Variants in BTG2 observed in about 807,000 individuals in gnomAD.
BTG2 encodes the protein BTG anti-proliferation factor 2.
A neutral mutation model predicts 13.1 loss-of-function variants in BTG2; 9 were observed. That is an observed-to-expected ratio of 0.69 (90% CI 0.41 to 1.20). BTG2 has a LOEUF of 1.20. Ranked by LOEUF, BTG2 falls within the 50% of genes most tolerant of loss-of-function variation. The probability of loss-of-function intolerance (pLI) is 0.00; values close to 1 mark genes in which losing one functional copy is unlikely to be tolerated. For missense variants in BTG2, 200 were observed against 209.5 expected (o/e 0.95, Z 0.28); for synonymous variants, 92 against 88.6 (o/e 1.04, Z -0.21).
In BTG2 at chr1:203,308,339, C is replaced by T. The variant is rs1658320022; in HGVS notation, c.*901C>T. ...AAAGTCTTGATGCTGCTGCCATGAT[C>T]CCTTTGAGAGGTGGCTCAAAAGCTA... On this transcript the variant is annotated 3_prime_UTR_variant, in exon 2 of 2. Transcript: ENST00000290551. The T allele has an allele frequency of 2.6e-5, 4 of 152,626 alleles. No individual in the cohort carries two copies. In the South Asian group the frequency reaches 8.3e-4, roughly 32 times the overall value. 9.5% of individuals were successfully genotyped at this position (152,626 alleles called of 1,614,324 possible). A position where few individuals can be genotyped will look rare whatever the true frequency, so the allele number is the denominator to read the frequency against.
At position 203,305,602 on chromosome 1, in the gene BTG2, G is replaced by A. The variant is rs1242319835; in HGVS notation, c.-5G>A. On this transcript the variant is annotated 5_prime_UTR_variant, in exon 1 of 2. Coordinates refer to ENST00000290551, the MANE Select transcript of BTG2 (RefSeq NM_006763.3). Reference sequence around the variant, plus strand: ...ACCTCTCACTGAGCCCGAGCCGCGCGCGACATGAGCCACGGGAAGGGAACC... The same window carrying A: ...ACCTCTCACTGAGCCCGAGCCGCGCACGACATGAGCCACGGGAAGGGAACC... The A allele has an allele frequency of 1.9e-6, 3 of 1,601,272 alleles. No homozygotes were observed. The highest frequency in any genetic ancestry group is 2.6e-6 in the Non-Finnish European group (3 of 1,173,698).
At chr1:203,305,854 G>A in intron 1 of BTG2, 106 bp downstream of exon 1, 2 of 1,436,082 alleles carry the variant, frequency 1.4e-6, no homozygotes, top group Non-Finnish European at 1.8e-6. Flanking sequence ...GAGCAGCTTT[G>A]GGACTCGGTG....
intron 1 of BTG2, 59 bp from the exon 2 acceptor site, chr1:203,307,045 T>A (rs1228081878): frequency 1.4e-6 from 2 of 1,475,498 alleles, no homozygotes; most frequent in Non-Finnish European, 1.9e-6. Flanking sequence ...CGCCCTATGG[T>A]AGTATCCATG....
In BTG2 at chr1:203,305,729, G is replaced by T; in HGVS notation, c.123G>T (p.Ala41=). Residue 41 remains alanine (A), a synonymous_variant, in exon 1 of 2, where the codon GCG becomes GCT. Transcript: ENST00000290551. ...AGAGGCTTAAGGTCTTCAGCGGGGCGCTCCAGGAGGCACTCACAGGTGAGC... is the reference window on the plus strand; with the variant it reads ...AGAGGCTTAAGGTCTTCAGCGGGGCTCTCCAGGAGGCACTCACAGGTGAGC... ...SEQRLKVFSG[A]LQEALTEHYK... is the part of the protein sequence containing the mutation. The T allele has an allele frequency of 6.5e-7, 1 of 1,549,250 alleles. No homozygotes were observed. The highest frequency in any genetic ancestry group is 8.7e-7 in the Non-Finnish European group (1 of 1,146,326).
At chr1:203,306,205 G>A (rs1028481297) in intron 1 of BTG2, among the ~76,000 whole-genome samples, 2 of 152,296 alleles carry the variant, frequency 1.3e-5, no homozygotes, top group East Asian at 1.9e-4. Context: ...TGCCGGTCGG[G>A]GTGCGCTGTG....
At chr1:203,306,295 C>T (rs529510131) in intron 1 of BTG2, among the ~76,000 whole-genome samples, 4 of 152,262 alleles carry the variant, frequency 2.6e-5, no homozygotes, top group East Asian at 1.9e-4. Context: ...TTCCCCTTAG[C>T]CATCTGCCAC....
chr1:203,307,553 A>G lies in BTG2; in HGVS notation c.*115A>G. ...AAATGAAGAGCTATTTATATATATT[A>G]TTTTTTTTTAAGAAAGGAGGAAAAG... On this transcript the variant is annotated 3_prime_UTR_variant, in exon 2 of 2. Coordinates refer to ENST00000290551, the MANE Select transcript of BTG2 (RefSeq NM_006763.3). The G allele has an allele frequency of 1.3e-6, 1 of 784,832 alleles. No homozygotes were observed. The highest frequency in any genetic ancestry group is 1.8e-6 in the Non-Finnish European group (1 of 569,304). The allele number at this position is 784,832 out of a possible 1,614,324, so 48.6% of individuals were successfully genotyped here. A position where few individuals can be genotyped will look rare whatever the true frequency, so the allele number is the denominator to read the frequency against.
chr1:203,306,026 G>C (rs186225810), intron 1 of BTG2, among the ~76,000 whole-genome samples: 8 of 152,244 alleles, frequency 5.3e-5, no homozygotes, highest in South Asian at 4.2e-4. Context: ...CGAGTCCCCA[G>C]CTTATGCCCC....
rs1173835384 is a variant in BTG2, at chr1:203,305,535, C to A, written c.-72C>A. 1.3e-5 allele frequency: 20 copies of A among 1,507,550 alleles called. 1 individual carries two copies. The highest frequency in any genetic ancestry group is 2.5e-5 in the South Asian group (2 of 80,000). The allele number at this position is 1,507,550 out of a possible 1,614,324, so 93.4% of individuals were successfully genotyped here. On this transcript the variant is annotated 5_prime_UTR_variant, in exon 1 of 2. Coordinates refer to ENST00000290551, the MANE Select transcript of BTG2 (RefSeq NM_006763.3). ...AGTCCGGGCAGAGCCCGAGCAGCGG[C>A]CAGGGTAACGCTGTCTTGTGGACCC...
At chr1:203,306,973 G>A (rs545231438) in intron 1 of BTG2, 131 bp from the exon 2 acceptor site, 8 of 738,004 alleles carry the variant, frequency 1.1e-5, no homozygotes, top group Non-Finnish European at 1.8e-5. Context: ...AGAACTCAGA[G>A]GAATCCACCT....
intron 1 of BTG2, 102 bp from the exon 2 acceptor site, chr1:203,307,002 C>G (rs774279993): frequency 6.9e-6 from 7 of 1,019,504 alleles, no homozygotes; most frequent in Non-Finnish European, 1.0e-5. Context: ...TAAAGGGCCC[C>G]TTTCTCTCCT....
intron 1 of BTG2, among the ~76,000 whole-genome samples, chr1:203,306,095 G>A (rs998194274): frequency 9.2e-5 from 14 of 152,266 alleles, no homozygotes; most frequent in African/African-American, 3.1e-4. Flanking sequence ...ACCCTCGATG[G>A]ATGTTGTTGC....
chr1:203,306,796 A>ACACG (rs898725727), intron 1 of BTG2, among the ~76,000 whole-genome samples: 7 of 99,304 alleles, frequency 7.0e-5, no homozygotes, highest in Admixed American at 2.4e-4. Context: ...TCCCCTCCCA[A>ACACG]CACGCACACA....
intron 1 of BTG2, among the ~76,000 whole-genome samples, chr1:203,306,059 C>A (rs1658255315): frequency 6.6e-6 from 1 of 152,314 alleles, no homozygotes; most frequent in Admixed American, 6.5e-5. Flanking sequence ...GGCTCGTCTC[C>A]CTCGCTGGAC....
At chr1:203,306,123 G>T (rs556481588) in intron 1 of BTG2, among the ~76,000 whole-genome samples, 27 of 152,178 alleles carry the variant, frequency 1.8e-4, no homozygotes, top group Admixed American at 3.9e-4. Context: ...CCGGTCGGCC[G>T]AGGGGTCCCG....
chr1:203,305,663 C>A lies in BTG2; in HGVS notation c.57C>A (p.Phe19Leu). ...CGGAGATCGCCGCCGCCGTGGGCTTCCTCTCCAGCCTCCTGAGGACCCGGG... is the reference window on the plus strand; with the variant it reads ...CGGAGATCGCCGCCGCCGTGGGCTTACTCTCCAGCCTCCTGAGGACCCGGG... ...MLPEIAAAVG[F>L]LSSLLRTRGC... The change falls in exon 1 of 2, where the codon TTC becomes TTA. Residue 19 changes from phenylalanine to leucine, a missense_variant. By Grantham distance (22) the Phe-to-Leu change is conservative. Transcript: ENST00000290551. The A allele has an allele frequency of 6.3e-7, 1 of 1,576,082 alleles. No individual in the cohort carries two copies. The highest frequency in any genetic ancestry group is 8.6e-7 in the Non-Finnish European group (1 of 1,161,222).
In BTG2 at chr1:203,305,612, C is replaced by T. The variant is rs531950637; in HGVS notation, c.6C>T (p.Ser2=). The T allele has an allele frequency of 1.2e-6, 2 of 1,602,604 alleles. No individual in the cohort carries two copies. Among genetic ancestry groups the T allele is most frequent in the South Asian group, 1.1e-5 (1 of 89,198 alleles). The part of the protein sequence containing the change: M[S]HGKGTDMLPE... ...GAGCCCGAGCCGCGCGCGACATGAG[C>T]CACGGGAAGGGAACCGACATGCTCC... Residue 2 remains serine, a synonymous_variant, in exon 1 of 2, where the codon AGC becomes AGT. Coordinates refer to ENST00000290551, the MANE Select transcript of BTG2 (RefSeq NM_006763.3).
chr1:203,306,026 G>A (rs186225810), intron 1 of BTG2, among the ~76,000 whole-genome samples: 6 of 152,244 alleles, frequency 3.9e-5, no homozygotes, highest in South Asian at 4.2e-4. Context: ...CGAGTCCCCA[G>A]CTTATGCCCC....
In BTG2 at chr1:203,307,462, G is replaced by A; in HGVS notation, c.*24G>A. On this transcript the variant is annotated 3_prime_UTR_variant, in exon 2 of 2. Transcript: ENST00000290551. ...AGGCCCTTCCGCCCCCGCCCTGGGC[G>A]CCGCCGTGCTCATGCTGCCGTGACA... 3 of 1,545,578 alleles carry A rather than the reference G, an allele frequency of 1.9e-6. No individual in the cohort carries two copies. The highest frequency in any genetic ancestry group is 2.6e-6 in the Non-Finnish European group (3 of 1,143,362).
Sources: allele counts gnomAD v4.1 joint callset (sites outside exome capture counted in the v4.1 genomes callset), GRCh38; gene constraint gnomAD v4.1.1; transcripts MANE v1.5; gene names NCBI Gene and HGNC (gene_info 2026-07-23, HGNC 2026-07-21).